The following DCAF6 variants were observed in gnomAD, a reference collection of about 807,000 sequenced individuals.
DCAF6 encodes the protein DDB1- and CUL4-associated factor 6.
In DCAF6, 54 loss-of-function variants were observed where a neutral mutation model predicts 125.1. That is an observed-to-expected ratio of 0.43 (90% CI 0.35 to 0.54). The LOEUF (loss-of-function observed/expected upper bound fraction) is 0.54. Among genes scored for constraint, DCAF6 ranks in the 20% least tolerant of loss-of-function variants. DCAF6 has a pLI of 0.01. For missense variants in DCAF6, 934 were observed against 1,161.7 expected (o/e 0.80, Z 2.85); for synonymous variants, 371 against 390.4 (o/e 0.95, Z 0.58).
chr1:167,875,506 T>C, the DCAF6 span, among the ~76,000 whole-genome samples: 3 of 152,356 alleles, frequency 2.0e-5, no homozygotes, highest in East Asian at 3.9e-4. Flanking sequence ...TAGATTTCAA[T>C]GTGGTGCAGA....
the DCAF6 span, among the ~76,000 whole-genome samples, chr1:167,891,655 C>CA: frequency 0.28 from 30,035 of 107,334 alleles, 3,589 homozygotes; most frequent in Middle Eastern, 0.35. Context: ...GACTCTGTCT[C>CA]AAAAAAAAAA....
At chr1:168,063,989 A>T in intron 18 of DCAF6, 2 of 294,356 alleles carry the variant, frequency 6.8e-6, no homozygotes, top group Non-Finnish European at 1.2e-5. Flanking sequence ...AAAAATTTTT[A>T]GTTTATACAA....
chr1:168,055,858 T>C, intron 17 of DCAF6: 1 of 1,268,298 alleles, frequency 7.9e-7, no homozygotes, highest in Non-Finnish European at 1.1e-6. Context: ...ACAACTCTGC[T>C]GGCTTGCGTT....
chr1:167,874,367 A>G, the DCAF6 span, among the ~76,000 whole-genome samples: 2 of 152,132 alleles, frequency 1.3e-5, no homozygotes, highest in Non-Finnish European at 2.9e-5. Context: ...CAAATGGCCA[A>G]TAAACTTATG....
intron 11 of DCAF6, among the ~76,000 whole-genome samples, chr1:168,019,095 C>T (rs1685347569): frequency 6.6e-6 from 1 of 151,698 alleles, no homozygotes; most frequent in African/African-American, 2.4e-5. Flanking sequence ...GTCGCCCAAG[C>T]TGGAGTGCAG....
At chr1:167,888,662 GTC>G in the DCAF6 span, among the ~76,000 whole-genome samples, 1 of 152,154 alleles carries the variant, frequency 6.6e-6, no homozygotes, top group East Asian at 1.9e-4. Flanking sequence ...GGATCACGAG[GTC>G]AGGAGATCGA....
Position 167,978,156 on chromosome 1 carries a change from A to G in DCAF6, c.438+3141A>G, listed in dbSNP as rs143775268. ...ATACCACAATTGATTTATCTGTTCT[A>G]TGCTGTTGGAAGTTTGGAGAACATT... On this transcript the variant is annotated intron_variant, in intron 4 of 21. Coordinates refer to ENST00000367840, the MANE Select transcript of DCAF6 (RefSeq NM_001198956.2). Among the ~76,000 whole-genome samples the G allele has an allele frequency of 3.9e-3, 598 of 152,268 alleles. 4 individuals carry two copies. Among genetic ancestry groups the G allele is most frequent in the African/African-American group, 0.013 (561 of 41,558 alleles).
chr1:167,928,066 C>G, the DCAF6 span, among the ~76,000 whole-genome samples: 1 of 151,936 alleles, frequency 6.6e-6, no homozygotes. Context: ...AAAAAAAGGT[C>G]GGCCGGGCGC....
chr1:167,994,045 CAA>C (rs1200130331), intron 7 of DCAF6, among the ~76,000 whole-genome samples: 3 of 150,164 alleles, frequency 2.0e-5, no homozygotes, highest in Non-Finnish European at 4.4e-5. Flanking sequence ...TTAGTAATGA[CAA>C]AAATAGTATT....
chr1:167,992,904 G>A (rs1450174299), intron 6 of DCAF6, among the ~76,000 whole-genome samples: 5 of 152,080 alleles, frequency 3.3e-5, no homozygotes, highest in African/African-American at 1.2e-4. Context: ...CTTAATTTGG[G>A]GGGAACTTTT....
In DCAF6 at chr1:167,944,345, C is replaced by G. The variant is rs924858386; in HGVS notation, c.97+7337C>G. 3.9e-5 allele frequency among the ~76,000 whole-genome samples: 6 copies of G among 152,214 alleles called. No homozygotes were observed. The East Asian group carries it at 7.7e-4, about 20-fold the overall frequency. On this transcript the variant is annotated intron_variant, in intron 1 of 21. Coordinates refer to ENST00000367840, the MANE Select transcript of DCAF6 (RefSeq NM_001198956.2). ...TTGTAAAAATCTAGTAGTGGGATTG[C>G]TAGATGGAAAGATAGTTCTATTTTT...
At chr1:168,042,864 G>T in intron 13 of DCAF6, 161 bp from the exon 14 acceptor site, 1 of 522,690 alleles carries the variant, frequency 1.9e-6, no homozygotes, top group Non-Finnish European at 3.4e-6. Context: ...TAGTCATCTT[G>T]ATTTGTTTGA....
At chr1:167,965,963 A>G (rs1364418675) in intron 2 of DCAF6, among the ~76,000 whole-genome samples, 1 of 152,088 alleles carries the variant, frequency 6.6e-6, no homozygotes, top group Non-Finnish European at 1.5e-5. Context: ...ATTCAGACTT[A>G]ACGCTTTCTG....
chr1:167,966,755 G>A, intron 3 of DCAF6, 34 bp downstream of exon 3: 1 of 1,312,648 alleles, frequency 7.6e-7, no homozygotes, highest in Admixed American at 2.0e-5. Context: ...AATTTAATGA[G>A]AGAAAAAAAA....
At chr1:167,962,219 G>A (rs1191500473) in intron 2 of DCAF6, among the ~76,000 whole-genome samples, 1 of 151,982 alleles carries the variant, frequency 6.6e-6, no homozygotes, top group Admixed American at 6.6e-5. Context: ...GGTAATTGAT[G>A]GTTTTGAGTT....
the DCAF6 span, among the ~76,000 whole-genome samples, chr1:167,907,343 T>C: frequency 4.6e-5 from 7 of 152,240 alleles, no homozygotes; most frequent in African/African-American, 1.7e-4. Flanking sequence ...TGGCTTGAAA[T>C]AACAAAGGCT....
chr1:167,928,962 G>T, the DCAF6 span, among the ~76,000 whole-genome samples: 2 of 152,182 alleles, frequency 1.3e-5, no homozygotes, highest in Non-Finnish European at 1.5e-5. Flanking sequence ...TTTAGAAAAA[G>T]AATTAATACA....
At chr1:168,037,971 T>C (rs1412803113) in intron 12 of DCAF6, among the ~76,000 whole-genome samples, 7 of 152,200 alleles carry the variant, frequency 4.6e-5, no homozygotes, top group Non-Finnish European at 1.5e-5. Flanking sequence ...ATCTTACATC[T>C]CAGTGTTTCT....
At chr1:168,040,066 G>T (rs1448669521) in intron 13 of DCAF6, among the ~76,000 whole-genome samples, 2 of 151,982 alleles carry the variant, frequency 1.3e-5, no homozygotes, top group Non-Finnish European at 2.9e-5. Flanking sequence ...GGACAATGGA[G>T]GAAAATAGAG....
Sources: allele counts gnomAD v4.1 joint callset (sites outside exome capture counted in the v4.1 genomes callset), GRCh38; gene constraint gnomAD v4.1.1; transcripts MANE v1.5; gene names NCBI Gene and HGNC (gene_info 2026-07-23, HGNC 2026-07-21).